Variants in TNIP3 observed in about 807,000 individuals in gnomAD.
TNIP3 encodes the protein TNFAIP3-interacting protein 3.
A neutral mutation model predicts 54.1 loss-of-function variants in TNIP3; 34 were observed. That is an observed-to-expected ratio of 0.63 (90% CI 0.48 to 0.84). The LOEUF is 0.84. Ranked by LOEUF, TNIP3 falls within the 40% of genes least tolerant of loss-of-function variation. The probability of loss-of-function intolerance (pLI) is 0.00; values close to 1 mark genes in which losing one functional copy is unlikely to be tolerated. For synonymous variants in TNIP3, 134 were observed against 136.8 expected (o/e 0.98, Z 0.14); for missense variants, 366 against 387.6 (o/e 0.94, Z 0.47).
At chr4:121,159,651 A>G (rs1730327979) in intron 2 of TNIP3, among the ~76,000 whole-genome samples, 1 of 152,262 alleles carries the variant, frequency 6.6e-6, no homozygotes, top group Non-Finnish European at 1.5e-5. Flanking sequence ...TAATATCACC[A>G]TTTTGAAAAT....
At chr4:121,173,409 T>C (rs183268238) in intron 3 of TNIP3, among the ~76,000 whole-genome samples, 39 of 152,308 alleles carry the variant, frequency 2.6e-4, no homozygotes, top group Non-Finnish European at 1.9e-4. Flanking sequence ...ATTCAGTCTT[T>C]AAAAACTGTA....
At chr4:121,149,009 A>G (rs1729585621) in intron 6 of TNIP3, among the ~76,000 whole-genome samples, 1 of 152,180 alleles carries the variant, frequency 6.6e-6, no homozygotes. Context: ...CATTATTGCC[A>G]TGAACCATTC....
chr4:121,162,702 A>G (rs1414872622), intron 1 of TNIP3, among the ~76,000 whole-genome samples: 2 of 152,242 alleles, frequency 1.3e-5, no homozygotes, highest in African/African-American at 4.8e-5. Flanking sequence ...CATCAAAGTC[A>G]CCGTTAAGCT....
chr4:121,192,487 T>C (rs563347091), intron 2 of TNIP3, among the ~76,000 whole-genome samples: 2 of 152,290 alleles, frequency 1.3e-5, no homozygotes, highest in South Asian at 2.1e-4. Flanking sequence ...CAAATCATGA[T>C]CAGTTGTTAT....
intron 3 of TNIP3, among the ~76,000 whole-genome samples, chr4:121,171,441 G>T (rs1220899750): frequency 6.6e-6 from 1 of 152,190 alleles, no homozygotes; most frequent in African/African-American, 2.4e-5. Context: ...GTGGGTATAT[G>T]TGTATACCAT....
At chr4:121,163,944 T>C (rs1000779147) in intron 1 of TNIP3, 116 bp downstream of exon 1, 6 of 1,210,970 alleles carry the variant, frequency 5.0e-6, no homozygotes, top group Non-Finnish European at 6.7e-6. Context: ...GAGCAAATCT[T>C]AGCTAAAGAA....
intron 2 of TNIP3, among the ~76,000 whole-genome samples, chr4:121,209,115 T>C (rs1057461766): frequency 6.6e-6 from 1 of 152,264 alleles, no homozygotes; most frequent in Non-Finnish European, 1.5e-5. Flanking sequence ...CACATTGATG[T>C]GCTGGGAAGA....
At chr4:121,198,943 T>C (rs1374580770) in intron 2 of TNIP3, among the ~76,000 whole-genome samples, 1 of 152,206 alleles carries the variant, frequency 6.6e-6, no homozygotes, top group African/African-American at 2.4e-5. Context: ...AGAGACTGCC[T>C]TTAACATGTA....
rs970068631 is a variant in TNIP3 at position 121,157,107 on chromosome 4, A to T, written c.350T>A (p.Leu117Gln). The T allele has an allele frequency of 2.5e-6, 4 of 1,612,250 alleles. No homozygotes were observed. In the African/African-American group the frequency reaches 4.0e-5, roughly 16 times the overall value. The change falls in exon 4 of 11, where the codon CTG becomes CAG. Residue 117 changes from leucine to glutamine, a missense_variant. Transcript: ENST00000057513. ...DRQRDLTRDR[L>Q]QREEKEKERL... ...GGCCCCGCCCACCTCCTCCCGCTGC[A>T]GCCGGTCCCGGGTCAGGTCGCGCTG...
chr4:121,198,350 A>T (rs558837997), intron 2 of TNIP3, among the ~76,000 whole-genome samples: 24 of 152,296 alleles, frequency 1.6e-4, no homozygotes, highest in African/African-American at 5.5e-4. Flanking sequence ...TATGGATTTG[A>T]TATATATAGC....
chr4:121,173,288 G>A (rs141233531), intron 3 of TNIP3, among the ~76,000 whole-genome samples: 5 of 152,274 alleles, frequency 3.3e-5, no homozygotes, highest in African/African-American at 9.6e-5. Context: ...GATATGAGGT[G>A]GCTTGACCTT....
Position 121,144,611 on chromosome 4 carries a change from A to G in TNIP3, c.736-1835T>C, listed in dbSNP as rs187052439. Among the ~76,000 whole-genome samples the G allele has an allele frequency of 3.5e-3, 539 of 152,332 alleles. 4 individuals are homozygous for G. Among genetic ancestry groups the G allele is most frequent in the African/African-American group, 0.012 (515 of 41,576 alleles). ...GAGACAGGGTTTCGCCATTTTGGCCAGGCTGGTCTCAAACTCCTGATCTCA... is the reference window on the plus strand; with the variant it reads ...GAGACAGGGTTTCGCCATTTTGGCCGGGCTGGTCTCAAACTCCTGATCTCA... On this transcript the variant is annotated intron_variant, in intron 7 of 10. Transcript: ENST00000057513.
chr4:121,188,364 C>A (rs770446094), intron 2 of TNIP3, among the ~76,000 whole-genome samples: 1 of 151,768 alleles, frequency 6.6e-6, no homozygotes, highest in East Asian at 1.9e-4. Context: ...TTTTCCCAGA[C>A]TAACATTGGG....
chr4:121,135,264 A>T (rs1434900690), intron 10 of TNIP3, among the ~76,000 whole-genome samples: 1 of 152,214 alleles, frequency 6.6e-6, no homozygotes, highest in Non-Finnish European at 1.5e-5. Flanking sequence ...CACAGATAGG[A>T]TGTAGCTCTC....
At chr4:121,208,410 T>A (rs995542410) in intron 2 of TNIP3, among the ~76,000 whole-genome samples, 1 of 152,166 alleles carries the variant, frequency 6.6e-6, no homozygotes, top group Non-Finnish European at 1.5e-5. Context: ...TCTGGTCTTG[T>A]GGCCCCCACC....
At chr4:121,180,056 G>T (rs1169633769) in intron 3 of TNIP3, among the ~76,000 whole-genome samples, 2 of 151,392 alleles carry the variant, frequency 1.3e-5, no homozygotes, top group East Asian at 2.0e-4. Context: ...GAGAAGGAGA[G>T]ACCAGAGAAA....
chr4:121,169,052 A>G (rs926011202), upstream of TNIP3, among the ~76,000 whole-genome samples: 2 of 151,536 alleles, frequency 1.3e-5, no homozygotes, highest in Admixed American at 1.3e-4. Flanking sequence ...CCCCCTCCCC[A>G]TTATTAACAC....
chr4:121,150,058 G>A, intron 6 of TNIP3, 45 bp downstream of exon 6: 1 of 1,203,286 alleles, frequency 8.3e-7, no homozygotes, highest in Non-Finnish European at 1.2e-6. Flanking sequence ...CATGAAAAAT[G>A]GGCAGTATGT....
chr4:121,155,693 T>C (rs1331396581), intron 4 of TNIP3, among the ~76,000 whole-genome samples: 1 of 152,150 alleles, frequency 6.6e-6, no homozygotes, highest in Non-Finnish European at 1.5e-5. Flanking sequence ...TAGCAAACAT[T>C]TTGTGAAGTA....
Sources: allele counts gnomAD v4.1 joint callset (sites outside exome capture counted in the v4.1 genomes callset), GRCh38; gene constraint gnomAD v4.1.1; transcripts MANE v1.5; gene names NCBI Gene and HGNC (gene_info 2026-07-23, HGNC 2026-07-21).